Variants in CAMTA2 observed in about 807,000 individuals in gnomAD.
CAMTA2 encodes the protein calmodulin-binding transcription activator 2.
CAMTA2 carries 56 observed loss-of-function variants against 135.7 expected under a neutral mutation model. The ratio of observed to expected loss-of-function variants is 0.41; its 90% CI spans 0.33 to 0.52. The LOEUF (loss-of-function observed/expected upper bound fraction) is 0.52, where lower values mean the gene tolerates loss of function less well. Among genes scored for constraint, CAMTA2 ranks in the 20% least tolerant of loss-of-function variants. The pLI, the probability that CAMTA2 is intolerant of heterozygous loss-of-function variation, is 0.16. For synonymous variants in CAMTA2, 591 were observed against 604.6 expected, an observed-to-expected ratio of 0.98 and a Z score of 0.33; for missense variants, 1,358 against 1,553.4, an observed-to-expected ratio of 0.87 and a Z score of 2.11.
chr17:4,982,324 C>G (rs12450070), intron 5 of CAMTA2, 164 bp from the exon 6 acceptor site: 1 of 636,334 alleles, frequency 1.6e-6, no homozygotes, highest in Admixed American at 2.4e-5. Context: ...CCCAGCCACC[C>G]TGAGTCATAG....
At chr17:4,970,857 A>AC (rs1484270186) in intron 16 of CAMTA2, among the ~76,000 whole-genome samples, 1 of 152,230 alleles carries the variant, frequency 6.6e-6, no homozygotes, top group Non-Finnish European at 1.5e-5. Flanking sequence ...GCTGACCAGC[A>AC]CATGCTCCCC....
At position 4,987,645 on chromosome 17, in the gene CAMTA2, C is replaced by T. The variant is rs1256884202; in HGVS notation, c.-117G>A. The T allele has an allele frequency of 2.0e-6, 3 of 1,475,330 alleles. No homozygotes were observed. The highest frequency in any genetic ancestry group is 9.0e-7 in the Non-Finnish European group (1 of 1,112,212). 91.4% of individuals were successfully genotyped at this position (1,475,330 alleles called of 1,614,324 possible). On this transcript the variant is annotated 5_prime_UTR_variant, in exon 1 of 23. Transcript: ENST00000348066. ...CAGCGGCCATTCTACCCCACACCGACCCCCCCCAGCGCCGGCTGACAGCGG... is the reference window on the plus strand; with the variant it reads ...CAGCGGCCATTCTACCCCACACCGATCCCCCCCAGCGCCGGCTGACAGCGG...
rs771388918 is a variant in CAMTA2, at chr17:4,969,100, A to G, written c.3470+50T>C. ...ATGATCAAGAGGATGAGTAAGGGGGAATGGCGTGGATGCAGTGGGTGGGCA... is the reference window on the plus strand; with the variant it reads ...ATGATCAAGAGGATGAGTAAGGGGGGATGGCGTGGATGCAGTGGGTGGGCA... On this transcript the variant is annotated intron_variant, in intron 21 of 22. Transcript: ENST00000348066. This position sits in a 1 kb window ranked among gnomAD's most constrained non-coding sequence, Gnocchi z 5.6. The G allele has an allele frequency of 2.5e-6, 4 of 1,581,260 alleles. No homozygotes were observed. In the African/African-American group the frequency reaches 5.4e-5, roughly 21 times the overall value.
intron 3 of CAMTA2, among the ~76,000 whole-genome samples, chr17:4,984,774 A>C (rs1973160014): frequency 6.7e-6 from 1 of 148,858 alleles, no homozygotes; most frequent in Non-Finnish European, 1.5e-5. Flanking sequence ...TAATCCTAGC[A>C]CTGTAGGAGG....
In CAMTA2 at chr17:4,974,509, GA is replaced by G; in HGVS notation, c.1901-10del. 1 of 1,582,122 alleles carries G rather than the reference GA, an allele frequency of 6.3e-7. No individual in the cohort carries two copies. The highest frequency in any genetic ancestry group is 8.7e-7 in the Non-Finnish European group (1 of 1,150,836). ...CATCCGGAACTGGTTGTCTGAGGGG[GA>G]ACGGGTATGGGAGGCTGAGTGGGCA... is the stretch of plus-strand genomic sequence containing the variant. On this transcript the variant is annotated splice_polypyrimidine_tract_variant and intron_variant, in intron 11 of 22. Coordinates refer to ENST00000348066, the MANE Select transcript of CAMTA2 (RefSeq NM_015099.4).
Position 4,969,230 on chromosome 17 carries a change from G to A in CAMTA2, c.3390C>T (p.Leu1130=), listed in dbSNP as rs1393241882. ...RFQQSRRAAV[L]IQQHYRSYRR... is the part of the protein sequence containing the mutation. ...GGTAGGAGCGGTAGTGCTGCTGGAT[G>A]AGCACAGCCGCTCGGCGGCTCTGCT... Residue 1130 remains leucine, a synonymous_variant, in exon 21 of 23, where the codon CTC becomes CTT. Transcript: ENST00000348066. The surrounding 1 kb of genome is among the most constrained non-coding windows in gnomAD (Gnocchi z 5.6). The A allele has an allele frequency of 6.2e-7, 1 of 1,613,606 alleles. No individual in the cohort carries two copies. Among genetic ancestry groups the A allele is most frequent in the East Asian group, 2.2e-5 (1 of 44,882 alleles).
chr17:4,976,935 TG>T, intron 11 of CAMTA2, 122 bp downstream of exon 11: 1 of 919,234 alleles, frequency 1.1e-6, no homozygotes, highest in Non-Finnish European at 1.6e-6. Context: ...AAATAGGAAT[TG>T]AAAAAAAAAA....
intron 3 of CAMTA2, among the ~76,000 whole-genome samples, chr17:4,985,519 G>C (rs1973218719): frequency 6.6e-6 from 1 of 152,152 alleles, no homozygotes; most frequent in Non-Finnish European, 1.5e-5. Context: ...CGCCTCCCTG[G>C]CTCAAGTAAT....
At chr17:4,978,057 G>A (rs1240216095) in intron 10 of CAMTA2, among the ~76,000 whole-genome samples, 4 of 152,196 alleles carry the variant, frequency 2.6e-5, no homozygotes, top group African/African-American at 7.2e-5. Flanking sequence ...CTACCATACT[G>A]GACAGCACAG....
chr17:4,979,931 G>A lies in CAMTA2; in HGVS notation c.1391C>T (p.Ser464Leu). 1.2e-6 allele frequency: 2 copies of A among 1,606,826 alleles called. No homozygotes were observed. The highest frequency in any genetic ancestry group is 1.7e-5 in the Admixed American group (1 of 59,724). ...TGAGGGTGGGGGTGAGGGAGGGGGT[G>A]AAGGTATGGGTGGGGCAGCCCCGTG... ...KGHGAAPPIP[S>L]PPPSPPPSPA... is the part of the protein sequence containing the mutation. Residue 464 changes from serine to leucine, a missense_variant, in exon 9 of 23, where the codon TCA becomes TTA. Ser to Leu is a moderately radical substitution (Grantham distance 145). Coordinates refer to ENST00000348066, the MANE Select transcript of CAMTA2 (RefSeq NM_015099.4).
At position 4,979,678 on chromosome 17, in the gene CAMTA2, T is replaced by C. The variant is rs1224531775; in HGVS notation, c.1638+6A>G. 1 of 1,587,784 alleles carries C rather than the reference T, an allele frequency of 6.3e-7. No individual in the cohort carries two copies. Among genetic ancestry groups the C allele is most frequent in the African/African-American group, 1.3e-5 (1 of 74,370 alleles). On this transcript the variant is annotated splice_donor_region_variant and intron_variant, in intron 9 of 22. Coordinates refer to ENST00000348066, the MANE Select transcript of CAMTA2 (RefSeq NM_015099.4). ...GGAGGAGGGAGGAGGTAAGCCTGAGTCTCACCTCTGGGTAGGACCACTCTG... is the reference window on the plus strand; with the variant it reads ...GGAGGAGGGAGGAGGTAAGCCTGAGCCTCACCTCTGGGTAGGACCACTCTG...
At position 4,972,905 on chromosome 17, in the gene CAMTA2, C is replaced by G; in HGVS notation, c.2367G>C (p.Leu789=). The change falls in exon 15 of 23, where the codon CTG becomes CTC. Residue 789 remains leucine (L), a synonymous_variant. Coordinates refer to ENST00000348066, the MANE Select transcript of CAMTA2 (RefSeq NM_015099.4). ...NRQALSIPDS[L]GRLPLSVAHS... ...GAGCCACAGACAATGGCAGACGGCC[C>G]AGAGAGTCGGGAATGCTCAGTGCCT... 3 of 1,613,906 alleles carry G rather than the reference C, an allele frequency of 1.9e-6. No homozygotes were observed. The highest frequency in any genetic ancestry group is 2.5e-6 in the Non-Finnish European group (3 of 1,180,030).
chr17:4,974,361 C>T, intron 12 of CAMTA2, 24 bp downstream of exon 12: 2 of 1,476,974 alleles, frequency 1.4e-6, no homozygotes, highest in Non-Finnish European at 1.9e-6. Context: ...CCACCGTAGA[C>T]CACCTCCCTC....
chr17:4,987,111 G>T, intron 1 of CAMTA2: 1 of 1,366,822 alleles, frequency 7.3e-7, no homozygotes, highest in Non-Finnish European at 9.4e-7. Context: ...CTGGGGTTGG[G>T]GTAAGGACTC....
chr17:4,978,036 G>A (rs1972723624), intron 10 of CAMTA2, among the ~76,000 whole-genome samples: 1 of 152,246 alleles, frequency 6.6e-6, no homozygotes, highest in African/African-American at 2.4e-5. Flanking sequence ...ATAGGCACAT[G>A]TGGCTAATGG....
At chr17:4,971,714 A>G (rs1972299163) in intron 16 of CAMTA2, among the ~76,000 whole-genome samples, 1 of 113,344 alleles carries the variant, frequency 8.8e-6, no homozygotes, top group Non-Finnish European at 2.0e-5. Context: ...TTTTTGAGAC[A>G]GTCTCAGTCT....
intron 16 of CAMTA2, among the ~76,000 whole-genome samples, chr17:4,971,030 T>C (rs1367657605): frequency 1.3e-5 from 2 of 152,224 alleles, no homozygotes; most frequent in Non-Finnish European, 2.9e-5. Flanking sequence ...CACAACCTAC[T>C]TGTGGAGTTC....
intron 13 of CAMTA2, 22 bp from the exon 14 acceptor site, chr17:4,973,275 C>T (rs768000855): frequency 6.3e-7 from 1 of 1,592,066 alleles, no homozygotes; most frequent in South Asian, 1.1e-5. Context: ...GGGAGAGAGA[C>T]AGCAGAGCCC....
chr17:4,974,359 G>T, intron 12 of CAMTA2, 26 bp downstream of exon 12: 2 of 1,456,122 alleles, frequency 1.4e-6, no homozygotes, highest in South Asian at 1.1e-5. Context: ...CCCCACCGTA[G>T]ACCACCTCCC....
Sources: allele counts gnomAD v4.1 joint callset (sites outside exome capture counted in the v4.1 genomes callset), GRCh38; gene constraint gnomAD v4.1.1; non-coding constraint Gnocchi (gnomAD v3.1); transcripts MANE v1.5; gene names NCBI Gene and HGNC (gene_info 2026-07-23, HGNC 2026-07-21).